SORCS1: variants seen among roughly 807,000 people sequenced by gnomAD.
SORCS1 encodes the protein VPS10 domain-containing receptor SorCS1.
In SORCS1, 60 loss-of-function variants were observed where a neutral mutation model predicts 146.1. That is an observed-to-expected ratio of 0.41 (90% CI 0.33 to 0.51). The LOEUF is 0.51. SORCS1 is among the 20% of genes least tolerant of loss of function. The pLI, the probability that SORCS1 is intolerant of heterozygous loss-of-function variation, is 0.21. For missense variants in SORCS1, 1,352 were observed against 1,487.6 expected (o/e 0.91, Z 1.50); for synonymous variants, 637 against 584.0 (o/e 1.09, Z -1.31).
chr10:107,129,678 G>A (rs766921813), intron 1 of SORCS1, among the ~76,000 whole-genome samples: 6 of 152,130 alleles, frequency 3.9e-5, no homozygotes, highest in South Asian at 2.1e-4. Flanking sequence ...AGGCTTCTTC[G>A]AAACAAACCT....
intron 6 of SORCS1, among the ~76,000 whole-genome samples, chr10:106,720,828 G>C (rs1855729936): frequency 6.6e-6 from 1 of 152,056 alleles, no homozygotes. Context: ...GGAAGCAGAG[G>C]AAGTGGCATA....
the SORCS1 span, among the ~76,000 whole-genome samples, chr10:107,176,615 C>G: frequency 3.3e-5 from 5 of 152,232 alleles, no homozygotes; most frequent in Admixed American, 3.3e-4. Context: ...GCTGGGATTA[C>G]AGGTGTGAGC....
At chr10:107,028,664 A>G (rs1958513196) in intron 1 of SORCS1, among the ~76,000 whole-genome samples, 1 of 152,176 alleles carries the variant, frequency 6.6e-6, no homozygotes, top group Admixed American at 6.5e-5. Context: ...ACCCCTTCAT[A>G]ATTCAATCAA....
At chr10:107,028,069 CTTCTT>C (rs1958486201) in intron 1 of SORCS1, among the ~76,000 whole-genome samples, 1 of 152,196 alleles carries the variant, frequency 6.6e-6, no homozygotes, top group Non-Finnish European at 1.5e-5. Context: ...ATTTGCTTCT[CTTCTT>C]GTCGTATTTT....
At position 107,060,585 on chromosome 10, in the gene SORCS1, C is replaced by A. The variant is rs908597712; in HGVS notation, c.558+103384G>T. Among the ~76,000 whole-genome samples the A allele has an allele frequency of 3.3e-5, 5 of 152,258 alleles. No individual in the cohort carries two copies. The East Asian group carries it at 9.7e-4, about 29-fold the overall frequency. On this transcript the variant is annotated intron_variant, in intron 1 of 25. Transcript: ENST00000263054. The surrounding 1 kb of genome is among the most constrained non-coding windows in gnomAD (Gnocchi z 4.1). Reference sequence around the variant, plus strand: ...CTTCCTTGGGATCAAAGTCATTTTTCTGTGCTCAGGAAAAGGAGCTGCCCA... The same window carrying A: ...CTTCCTTGGGATCAAAGTCATTTTTATGTGCTCAGGAAAAGGAGCTGCCCA...
chr10:107,173,758 T>C, the SORCS1 span, among the ~76,000 whole-genome samples: 1 of 152,330 alleles, frequency 6.6e-6, no homozygotes, highest in Middle Eastern at 3.4e-3. Context: ...TTGTAGTATA[T>C]GGATATCAAT....
intron 1 of SORCS1, among the ~76,000 whole-genome samples, chr10:106,957,641 A>G (rs1386639687): frequency 6.6e-6 from 1 of 152,156 alleles, no homozygotes; most frequent in Non-Finnish European, 1.5e-5. Context: ...CCAGATAATT[A>G]CCGTGTAATA....
At chr10:106,827,484 G>C (rs1948353479) in intron 3 of SORCS1, among the ~76,000 whole-genome samples, 1 of 152,142 alleles carries the variant, frequency 6.6e-6, no homozygotes, top group Admixed American at 6.6e-5. Flanking sequence ...AGGATGAGTT[G>C]CTGGCTTATT....
At position 106,629,239 on chromosome 10, in the gene SORCS1, C is replaced by T. The variant is rs769279149; in HGVS notation, c.2625G>A (p.Leu875=). ...FRVTVQVDNS[L]GSDSAVLYLH... ...AGTACAGGACGGCGCTGTCAGAACCCAGACTGTTGTCCACCTGCACGGTCA... is the reference window on the plus strand; with the variant it reads ...AGTACAGGACGGCGCTGTCAGAACCTAGACTGTTGTCCACCTGCACGGTCA... Residue 875 remains leucine (L), a synonymous_variant, in exon 19 of 26, where the codon CTG becomes CTA. Coordinates refer to ENST00000263054, the MANE Select transcript of SORCS1 (RefSeq NM_052918.5). 4 of 1,614,026 alleles carry T rather than the reference C, an allele frequency of 2.5e-6. No homozygotes were observed. The highest frequency in any genetic ancestry group is 3.4e-6 in the Non-Finnish European group (4 of 1,179,954).
chr10:107,090,033 C>T (rs1322462788), intron 1 of SORCS1, among the ~76,000 whole-genome samples: 1 of 152,184 alleles, frequency 6.6e-6, no homozygotes, highest in African/African-American at 2.4e-5. Flanking sequence ...CACTTTGCAA[C>T]TCACCCAACA....
intron 1 of SORCS1, among the ~76,000 whole-genome samples, chr10:107,144,849 T>C (rs890631265): frequency 2.0e-5 from 3 of 152,244 alleles, no homozygotes; most frequent in African/African-American, 7.2e-5. Flanking sequence ...TTGCATTCCG[T>C]CACTTGCCTG....
At chr10:107,067,837 T>G (rs186180439) in intron 1 of SORCS1, among the ~76,000 whole-genome samples, 1 of 152,290 alleles carries the variant, frequency 6.6e-6, no homozygotes, top group Non-Finnish European at 1.5e-5. Context: ...TTGTGAGGAT[T>G]ACATATTTGT....
intron 5 of SORCS1, among the ~76,000 whole-genome samples, chr10:106,745,824 C>T (rs1014413339): frequency 3.9e-5 from 6 of 152,136 alleles, no homozygotes; most frequent in South Asian, 2.1e-4. Flanking sequence ...ACCTGGGAGA[C>T]GCCCCCTTCA....
At chr10:106,774,771 G>T (rs999141426) in intron 4 of SORCS1, among the ~76,000 whole-genome samples, 31 of 152,004 alleles carry the variant, frequency 2.0e-4, no homozygotes, top group African/African-American at 7.5e-4. Context: ...TAAACTATTG[G>T]TCAACTCATA....
chr10:107,078,722 C>A (rs1362474045), intron 1 of SORCS1, among the ~76,000 whole-genome samples: 3 of 152,154 alleles, frequency 2.0e-5, no homozygotes, highest in African/African-American at 4.8e-5. Flanking sequence ...TACCAACACC[C>A]CTCTCCTCTT....
At chr10:106,760,415 G>A (rs1250103570) in intron 5 of SORCS1, among the ~76,000 whole-genome samples, 2 of 133,324 alleles carry the variant, frequency 1.5e-5, no homozygotes, top group African/African-American at 5.7e-5. Flanking sequence ...CTGCACTCCA[G>A]CCTGGTGACA....
chr10:106,806,757 A>C lies in SORCS1; in HGVS notation c.726+22817T>G, dbSNP rs548782337. Among the ~76,000 whole-genome samples the C allele has an allele frequency of 1.4e-4, 22 of 151,926 alleles. No homozygotes were observed. The South Asian group carries it at 3.1e-3, about 22-fold the overall frequency. Reference sequence around the variant, plus strand: ...GTCTCCACCTCCTGACCTCGTGATCAGCCCACCCTGGCCTCCTGGAGTGCT... The same window carrying C: ...GTCTCCACCTCCTGACCTCGTGATCCGCCCACCCTGGCCTCCTGGAGTGCT... On this transcript the variant is annotated intron_variant, in intron 3 of 25. Transcript: ENST00000263054.
intron 1 of SORCS1, among the ~76,000 whole-genome samples, chr10:106,977,291 G>C (rs1329031475): frequency 1.3e-5 from 2 of 152,214 alleles, no homozygotes; most frequent in South Asian, 4.1e-4. Context: ...AATGATCCAT[G>C]ATGATGAGCT....
At chr10:107,170,863 G>C in the SORCS1 span, among the ~76,000 whole-genome samples, 1 of 152,224 alleles carries the variant, frequency 6.6e-6, no homozygotes, top group African/African-American at 2.4e-5. Context: ...TGTTGTGTCT[G>C]TCTGTCTTGT....
Sources: gnomAD v4.1 joint callset for allele counts (sites outside exome capture counted in the v4.1 genomes callset) on GRCh38, gnomAD v4.1.1 for gene constraint, Gnocchi (gnomAD v3.1) non-coding constraint, MANE v1.5 for transcripts, NCBI Gene and HGNC (gene_info 2026-07-23, HGNC 2026-07-21) for gene names.